Variants in TMTC2 observed in about 807,000 individuals in gnomAD.
The protein encoded by TMTC2 is protein O-mannosyl-transferase TMTC2.
In TMTC2, 43 loss-of-function variants were observed where a neutral mutation model predicts 82.4. That is an observed-to-expected ratio of 0.52 (90% CI 0.41 to 0.67). The LOEUF (loss-of-function observed/expected upper bound fraction) is 0.67, where lower values mean the gene tolerates loss of function less well. Ranked by LOEUF, TMTC2 falls within the 30% of genes least tolerant of loss-of-function variation. The pLI, the probability that TMTC2 is intolerant of heterozygous loss-of-function variation, is 0.00. For missense variants in TMTC2, 919 were observed against 1,012.4 expected (o/e 0.91, Z 1.25); for synonymous variants, 408 against 381.9 (o/e 1.07, Z -0.80).
intron 8 of TMTC2, among the ~76,000 whole-genome samples, chr12:83,022,222 C>A (rs1880964954): frequency 6.6e-6 from 1 of 152,030 alleles, no homozygotes; most frequent in Non-Finnish European, 1.5e-5. Flanking sequence ...ATGGGATTTG[C>A]TCAACTGCTG....
intron 3 of TMTC2, among the ~76,000 whole-genome samples, chr12:82,923,199 A>T (rs929001507): frequency 1.3e-5 from 2 of 152,214 alleles, no homozygotes; most frequent in African/African-American, 4.8e-5. Context: ...TAGGTATAAA[A>T]GATATCTTGT....
At chr12:83,127,850 T>C (rs1885142882) in intron 11 of TMTC2, among the ~76,000 whole-genome samples, 1 of 152,090 alleles carries the variant, frequency 6.6e-6, no homozygotes, top group Non-Finnish European at 1.5e-5. Context: ...TCCTCCACAG[T>C]TGAAGAAATA....
intron 1 of TMTC2, among the ~76,000 whole-genome samples, chr12:82,749,368 T>C (rs1875858501): frequency 6.6e-6 from 1 of 152,116 alleles, no homozygotes; most frequent in South Asian, 2.1e-4. Flanking sequence ...AACAAAATCC[T>C]TGCCCTCGTA....
intron 10 of TMTC2, among the ~76,000 whole-genome samples, chr12:83,052,283 A>T (rs1882380876): frequency 6.6e-6 from 1 of 152,126 alleles, no homozygotes. Context: ...AGTTATAAAA[A>T]ATAATACAGA....
intron 2 of TMTC2, among the ~76,000 whole-genome samples, chr12:82,887,275 C>A (rs950894834): frequency 2.6e-5 from 4 of 152,156 alleles, no homozygotes; most frequent in Non-Finnish European, 4.4e-5. Context: ...AATCTGAGAT[C>A]AGAAGACAAT....
At chr12:82,950,968 G>C (rs151321127) in intron 4 of TMTC2, among the ~76,000 whole-genome samples, 17 of 152,232 alleles carry the variant, frequency 1.1e-4, no homozygotes, top group African/African-American at 4.1e-4. Context: ...AAAGACAGTG[G>C]CATTATTATA....
Position 83,059,302 on chromosome 12 carries a change from G to A in TMTC2, c.2268-2466G>A, listed in dbSNP as rs185886355. On this transcript the variant is annotated intron_variant, in intron 10 of 11. Coordinates refer to ENST00000321196, the MANE Select transcript of TMTC2 (RefSeq NM_152588.3). Reference sequence around the variant, plus strand: ...CTCCCAGGATGCTGTGTGCAGAGCCGTGTATGAAATACAGCAAACACTGTA... The same window carrying A: ...CTCCCAGGATGCTGTGTGCAGAGCCATGTATGAAATACAGCAAACACTGTA... Among the ~76,000 whole-genome samples the A allele has an allele frequency of 2.8e-4, 43 of 151,878 alleles. 1 individual carries two copies. Among genetic ancestry groups the A allele is most frequent in the African/African-American group, 8.2e-4 (34 of 41,486 alleles).
At chr12:82,924,332 A>G (rs2137233096) in intron 3 of TMTC2, among the ~76,000 whole-genome samples, 1 of 152,366 alleles carries the variant, frequency 6.6e-6, no homozygotes, top group Non-Finnish European at 1.5e-5. Context: ...GTCTGGATAA[A>G]AAATCATTCA....
chr12:82,707,836 C>T (rs1298360756), intron 1 of TMTC2, among the ~76,000 whole-genome samples: 1 of 152,198 alleles, frequency 6.6e-6, no homozygotes, highest in African/African-American at 2.4e-5. Flanking sequence ...CTCTTCTGTT[C>T]TACTCTCATG....
At chr12:82,756,605 T>A (rs552884892) in intron 1 of TMTC2, among the ~76,000 whole-genome samples, 18 of 152,300 alleles carry the variant, frequency 1.2e-4, no homozygotes, top group African/African-American at 4.1e-4. Context: ...TGATTAGATA[T>A]AAACAAAGCA....
chr12:82,910,366 A>T (rs1419172494), intron 3 of TMTC2, among the ~76,000 whole-genome samples: 1 of 152,174 alleles, frequency 6.6e-6, no homozygotes, highest in East Asian at 1.9e-4. Context: ...CTAGGGGAAC[A>T]TACGGACAGG....
At chr12:82,727,999 G>A (rs554083754) in intron 1 of TMTC2, among the ~76,000 whole-genome samples, 391 of 152,230 alleles carry the variant, frequency 2.6e-3, no homozygotes, top group Middle Eastern at 0.01. Flanking sequence ...AGGATATGAG[G>A]TCCCTTACAT....
chr12:83,013,837 T>A (rs1476425180), intron 8 of TMTC2, among the ~76,000 whole-genome samples: 1 of 152,224 alleles, frequency 6.6e-6, no homozygotes, highest in South Asian at 2.1e-4. Flanking sequence ...TGCTAAATCA[T>A]GTCAGTATTT....
chr12:83,117,465 C>T (rs569213004), intron 11 of TMTC2, among the ~76,000 whole-genome samples: 19 of 152,286 alleles, frequency 1.2e-4, no homozygotes, highest in Non-Finnish European at 2.6e-4. Context: ...GATGGTTTAA[C>T]ATATGCAAGT....
intron 9 of TMTC2, among the ~76,000 whole-genome samples, chr12:83,050,282 A>T (rs1292719424): frequency 1.3e-5 from 2 of 152,004 alleles, no homozygotes; most frequent in Non-Finnish European, 2.9e-5. Flanking sequence ...ATTGGGCCTA[A>T]CTTTTGTTTT....
At chr12:82,782,464 GT>G in intron 1 of TMTC2, among the ~76,000 whole-genome samples, 1 of 152,066 alleles carries the variant, frequency 6.6e-6, no homozygotes, top group Non-Finnish European at 1.5e-5. Flanking sequence ...AGCCTTCCTA[GT>G]GTTTGGATAA....
intron 1 of TMTC2, among the ~76,000 whole-genome samples, chr12:82,740,783 C>T (rs1875361317): frequency 6.6e-6 from 1 of 152,182 alleles, no homozygotes; most frequent in Non-Finnish European, 1.5e-5. Context: ...TCTGCCAAGT[C>T]TGTGAGTCCA....
chr12:83,024,267 T>A lies in TMTC2; in HGVS notation c.2071-6531T>A, dbSNP rs1881067385. 2.0e-5 allele frequency among the ~76,000 whole-genome samples: 3 copies of A among 152,114 alleles called. No individual in the cohort carries two copies. In the South Asian group the frequency reaches 6.2e-4, roughly 32 times the overall value. ...TTGTATCAAAATTTTTTTAAAAAAT[T>A]TTAAACTATCAAATAATGTTCCTTT... On this transcript the variant is annotated intron_variant, in intron 8 of 11. Coordinates refer to ENST00000321196, the MANE Select transcript of TMTC2 (RefSeq NM_152588.3).
intron 1 of TMTC2, among the ~76,000 whole-genome samples, chr12:82,743,285 A>G (rs1295508154): frequency 6.6e-6 from 1 of 152,096 alleles, no homozygotes; most frequent in Non-Finnish European, 1.5e-5. Flanking sequence ...TACTAAAAAT[A>G]CAAAAATTAG....
Sources: allele counts gnomAD v4.1 joint callset (sites outside exome capture counted in the v4.1 genomes callset), GRCh38; gene constraint gnomAD v4.1.1; transcripts MANE v1.5; gene names NCBI Gene and HGNC (gene_info 2026-07-23, HGNC 2026-07-21).